The following SCRN3 variants were observed in gnomAD, a reference collection of about 807,000 sequenced individuals.
SCRN3 encodes the protein secernin 3, also known as secernin-3.
A neutral mutation model predicts 43.1 loss-of-function variants in SCRN3; 39 were observed. The observed-to-expected ratio is 0.91, with a 90% CI of 0.70 to 1.18. The LOEUF is 1.18. SCRN3 is among the 50% of genes most tolerant of loss of function. The pLI, the probability that SCRN3 is intolerant of heterozygous loss-of-function variation, is 0.00. For missense variants in SCRN3, 484 were observed against 498.0 expected (o/e 0.97, Z 0.27); for synonymous variants, 147 against 163.1 (o/e 0.90, Z 0.75).
intron 5 of SCRN3, among the ~76,000 whole-genome samples, chr2:174,415,859 G>A (rs2105606116): frequency 6.6e-6 from 1 of 152,196 alleles, no homozygotes; most frequent in East Asian, 1.9e-4. Context: ...TGTTCAGGGT[G>A]GTGTCGAATT....
intron 7 of SCRN3, among the ~76,000 whole-genome samples, chr2:174,426,575 C>G (rs1686490717): frequency 6.6e-6 from 1 of 152,000 alleles, no homozygotes; most frequent in African/African-American, 2.4e-5. Flanking sequence ...AGTTTGACAC[C>G]AGCCTGACCA....
intron 5 of SCRN3, among the ~76,000 whole-genome samples, chr2:174,414,594 C>T (rs1686037557): frequency 6.6e-6 from 1 of 151,758 alleles, no homozygotes; most frequent in Non-Finnish European, 1.5e-5. Context: ...TTTTGTTATT[C>T]CCTTATGGTA....
chr2:174,422,449 C>G (rs1021567832), intron 5 of SCRN3, among the ~76,000 whole-genome samples: 1 of 151,920 alleles, frequency 6.6e-6, no homozygotes, highest in African/African-American at 2.4e-5. Context: ...TGACATGCGA[C>G]TTTAGTCCCA....
intron 5 of SCRN3, 143 bp from the exon 6 acceptor site, chr2:174,422,742 T>G (rs1411060366): frequency 3.9e-6 from 2 of 518,454 alleles, no homozygotes; most frequent in African/African-American, 3.8e-5. Flanking sequence ...TAATTGTAGT[T>G]GATACAAAGT....
chr2:174,419,611 G>A (rs1447472274), intron 5 of SCRN3, among the ~76,000 whole-genome samples: 1 of 143,828 alleles, frequency 7.0e-6, no homozygotes, highest in Non-Finnish European at 1.6e-5. Flanking sequence ...AAACTCCTGG[G>A]CTCACAGTAT....
chr2:174,396,796 C>CAAAA (rs57053389), intron 1 of SCRN3, among the ~76,000 whole-genome samples: 72 of 137,392 alleles, frequency 5.2e-4, no homozygotes, highest in East Asian at 2.3e-3. Context: ...TAAACTCCAT[C>CAAAA]AAAAAAAAAA....
chr2:174,400,616 G>C (rs1685476255), intron 3 of SCRN3, among the ~76,000 whole-genome samples: 1 of 152,140 alleles, frequency 6.6e-6, no homozygotes, highest in Non-Finnish European at 1.5e-5. Context: ...TATTATTTGG[G>C]AGAAGGGAAG....
Position 174,407,737 on chromosome 2 carries a change from C to T in SCRN3, c.754+3422C>T, listed in dbSNP as rs1685748063. 3.5e-5 allele frequency among the ~76,000 whole-genome samples: 4 copies of T among 115,726 alleles called. No homozygotes were observed. In the Admixed American group the frequency reaches 3.6e-4, roughly 11 times the overall value. 75.9% of individuals were successfully genotyped at this position (115,726 alleles called of 152,430 possible). A position where few individuals can be genotyped will look rare whatever the true frequency, so the allele number is the denominator to read the frequency against. ...TATGTACCCAGTAGTCATTCAGGAG[C>T]AGGTTGTTCAGTTTCCATGTAGTTG... is the stretch of plus-strand genomic sequence containing the variant. On this transcript the variant is annotated intron_variant, in intron 5 of 7. Coordinates refer to ENST00000272732, the MANE Select transcript of SCRN3 (RefSeq NM_024583.5).
intron 3 of SCRN3, among the ~76,000 whole-genome samples, chr2:174,400,780 C>T (rs1258683378): frequency 2.6e-5 from 4 of 152,070 alleles, no homozygotes; most frequent in Non-Finnish European, 5.9e-5. Context: ...TTACCAACTT[C>T]GAATTTGATA....
chr2:174,396,660 T>C (rs976369560), intron 1 of SCRN3, among the ~76,000 whole-genome samples: 1 of 151,988 alleles, frequency 6.6e-6, no homozygotes, highest in African/African-American at 2.4e-5. Flanking sequence ...TAGCCGGGTG[T>C]GGTGGCACGC....
chr2:174,400,163 C>T (rs1442632224), intron 3 of SCRN3, 60 bp downstream of exon 3: 4 of 1,239,676 alleles, frequency 3.2e-6, no homozygotes, highest in Middle Eastern at 2.0e-4. Context: ...TTTTGTGTAA[C>T]TCTTACTTGT....
intron 7 of SCRN3, among the ~76,000 whole-genome samples, chr2:174,427,109 C>A (rs140223666): frequency 1.3e-5 from 2 of 152,112 alleles, no homozygotes; most frequent in African/African-American, 4.8e-5. Flanking sequence ...GGGTTACAGG[C>A]GTGAGCCACT....
intron 1 of SCRN3, chr2:174,397,380 G>C (rs1354773877): frequency 1.0e-6 from 1 of 963,374 alleles, no homozygotes; most frequent in African/African-American, 1.8e-5. Flanking sequence ...GAAGATCTAA[G>C]ATTTTCCAAG....
intron 5 of SCRN3, among the ~76,000 whole-genome samples, chr2:174,406,758 C>T (rs1685709675): frequency 7.4e-6 from 1 of 134,546 alleles, no homozygotes; most frequent in South Asian, 2.3e-4. Context: ...TGCTGGATTA[C>T]ATTTATTGAT....
At chr2:174,426,181 C>G (rs774230508) in intron 7 of SCRN3, among the ~76,000 whole-genome samples, 1 of 152,056 alleles carries the variant, frequency 6.6e-6, no homozygotes, top group Non-Finnish European at 1.5e-5. Context: ...TTTCAAAAGG[C>G]CTGCCTCACC....
At chr2:174,420,581 A>G (rs1032872597) in intron 5 of SCRN3, among the ~76,000 whole-genome samples, 3 of 152,230 alleles carry the variant, frequency 2.0e-5, no homozygotes, top group Non-Finnish European at 4.4e-5. Flanking sequence ...TATATTCAAA[A>G]TAATTAGAAG....
chr2:174,421,769 T>C (rs1168918070), intron 5 of SCRN3, among the ~76,000 whole-genome samples: 1 of 152,224 alleles, frequency 6.6e-6, no homozygotes, highest in East Asian at 1.9e-4. Context: ...TCCCATGTTG[T>C]GGCATCTGCT....
chr2:174,406,665 T>G (rs1188638763), intron 5 of SCRN3, among the ~76,000 whole-genome samples: 1 of 143,938 alleles, frequency 6.9e-6, no homozygotes, highest in Non-Finnish European at 1.6e-5. Flanking sequence ...GGTTTTAGCA[T>G]GAAGGGTTGT....
chr2:174,413,433 CT>C (rs1329118990), intron 5 of SCRN3, among the ~76,000 whole-genome samples: 3 of 152,094 alleles, frequency 2.0e-5, no homozygotes, highest in Admixed American at 6.5e-5. Context: ...CTCTTTTATC[CT>C]TAGCTGAGCT....
Sources: gnomAD v4.1 joint callset for allele counts (sites outside exome capture counted in the v4.1 genomes callset) on GRCh38, gnomAD v4.1.1 for gene constraint, MANE v1.5 for transcripts, NCBI Gene and HGNC (gene_info 2026-07-23, HGNC 2026-07-21) for gene names.